Variants in CYP39A1 observed in about 807,000 individuals in gnomAD.
The protein encoded by CYP39A1 is 24-hydroxycholesterol 7-alpha-hydroxylase.
Under a neutral mutation model 58.1 loss-of-function variants are expected in CYP39A1, and 49 were observed. That is an observed-to-expected ratio of 0.84 (90% CI 0.67 to 1.07). The LOEUF (loss-of-function observed/expected upper bound fraction) is 1.07, where lower values mean the gene tolerates loss of function less well. Among genes scored for constraint, CYP39A1 ranks in the 50% least tolerant of loss-of-function variants. The pLI, the probability that CYP39A1 is intolerant of heterozygous loss-of-function variation, is 0.00. For synonymous variants in CYP39A1, 209 were observed against 187.6 expected (o/e 1.11, Z -0.93); for missense variants, 531 against 539.4 (o/e 0.98, Z 0.16).
chr6:46,613,027 C>T (rs984868958), intron 7 of CYP39A1, among the ~76,000 whole-genome samples: 2 of 152,144 alleles, frequency 1.3e-5, no homozygotes, highest in Non-Finnish European at 2.9e-5. Flanking sequence ...TAAACAATGA[C>T]AATATATAAG....
chr6:46,558,204 T>C (rs1770760627), intron 10 of CYP39A1, among the ~76,000 whole-genome samples: 2 of 152,108 alleles, frequency 1.3e-5, no homozygotes, highest in Admixed American at 6.6e-5. Context: ...ACTGTTTGTA[T>C]TCATCTGTTC....
At chr6:46,607,167 C>T (rs922361036) in intron 7 of CYP39A1, among the ~76,000 whole-genome samples, 1 of 152,112 alleles carries the variant, frequency 6.6e-6, no homozygotes, top group African/African-American at 2.4e-5. Flanking sequence ...CACACGGCCA[C>T]TGCCTTAAAG....
intron 5 of CYP39A1, among the ~76,000 whole-genome samples, chr6:46,633,731 C>CCTGT (rs1775792943): frequency 2.6e-5 from 4 of 152,004 alleles, no homozygotes; most frequent in Admixed American, 2.6e-4. Flanking sequence ...GTGGCATGTG[C>CCTGT]CTGTAGTCCC....
In CYP39A1 at chr6:46,604,120, T is replaced by C. The variant is rs550240637; in HGVS notation, c.932-8000A>G. 1.4e-4 allele frequency among the ~76,000 whole-genome samples: 22 copies of C among 152,314 alleles called. 3 individuals carry two copies. The South Asian group carries it at 4.6e-3, about 32-fold the overall frequency. On this transcript the variant is annotated intron_variant, in intron 7 of 11. Coordinates refer to ENST00000275016, the MANE Select transcript of CYP39A1 (RefSeq NM_016593.5). The stretch of plus-strand genomic sequence containing the variant: ...ATATTTTATAAGGAAAATGTCTTTG[T>C]TTAGAATACATTATAATCATCTTCG...
rs1482971278 is a variant in CYP39A1, at chr6:46,596,062, C to A, written c.990G>T (p.Trp330Cys). The A allele has an allele frequency of 6.2e-7, 1 of 1,611,360 alleles. No homozygotes were observed. The highest frequency in any genetic ancestry group is 8.5e-7 in the Non-Finnish European group (1 of 1,178,344). ...TTAAACGAATGGTTTCCAAAACACA[C>A]CATTTAATTAGAAGGAGATTCTCCA... is the stretch of plus-strand genomic sequence containing the variant. ...DDLENLLLIK[W>C]CVLETIRLKA... Residue 330 changes from tryptophan (W) to cysteine (C), a missense_variant, in exon 8 of 12, where the codon TGG (tryptophan) becomes TGT (cysteine). By Grantham distance (215) the Trp-to-Cys change is radical. Coordinates refer to ENST00000275016, the MANE Select transcript of CYP39A1 (RefSeq NM_016593.5).
chr6:46,599,372 A>T (rs544086873), intron 7 of CYP39A1, among the ~76,000 whole-genome samples: 1 of 152,304 alleles, frequency 6.6e-6, no homozygotes, highest in South Asian at 2.1e-4. Flanking sequence ...AAAAAATCAG[A>T]TACACAAAAA....
At chr6:46,582,548 T>C (rs1476882977) in intron 10 of CYP39A1, among the ~76,000 whole-genome samples, 2 of 152,144 alleles carry the variant, frequency 1.3e-5, no homozygotes, top group Non-Finnish European at 1.5e-5. Context: ...AAGCTGACCT[T>C]TCTTTTATGT....
In CYP39A1 at chr6:46,639,558, C is replaced by A; in HGVS notation, c.424G>T (p.Glu142Ter). 1 of 1,614,102 alleles carries A rather than the reference C, an allele frequency of 6.2e-7. No individual in the cohort carries two copies. The highest frequency in any genetic ancestry group is 1.1e-5 in the South Asian group (1 of 91,084). ...AAATTCTCCAGTTGTTCATGTAATT[C>A]TTCAGTCAGTTGCCCAGTAAACTGA... is the stretch of plus-strand genomic sequence containing the variant. ...LHQFTGQLTE[E>*]LHEQLENLGT... The change falls in exon 3 of 12, where the codon GAA becomes TAA. Residue 142 changes from glutamate (E) to a stop codon, truncating the protein, a stop_gained. Transcript: ENST00000275016. LOFTEE classifies it high-confidence loss of function.
intron 7 of CYP39A1, among the ~76,000 whole-genome samples, chr6:46,605,681 T>G (rs1232428493): frequency 6.6e-6 from 1 of 152,080 alleles, no homozygotes; most frequent in Non-Finnish European, 1.5e-5. Flanking sequence ...CATTTCTCCC[T>G]CCAAAGATAA....
chr6:46,639,380 A>T, intron 3 of CYP39A1, 114 bp downstream of exon 3: 2 of 977,664 alleles, frequency 2.0e-6, no homozygotes, highest in Non-Finnish European at 3.1e-6. Flanking sequence ...TTAATAGCCT[A>T]GTTAGGTAGA....
At chr6:46,573,188 T>C (rs754668726) in intron 10 of CYP39A1, among the ~76,000 whole-genome samples, 1 of 152,146 alleles carries the variant, frequency 6.6e-6, no homozygotes, top group Non-Finnish European at 1.5e-5. Context: ...AAAATTATAG[T>C]GGTCCTTTGG....
rs2150567550 is a variant in CYP39A1, at chr6:46,622,088, T to C, written c.931+3330A>G. ...GCCAGACACAAAGGACCACATATCA[T>C]ATGTTTCCATTTATATGGACTGTCC... On this transcript the variant is annotated intron_variant, in intron 7 of 11. Coordinates refer to ENST00000275016, the MANE Select transcript of CYP39A1 (RefSeq NM_016593.5). Among the ~76,000 whole-genome samples, 2 of 152,182 alleles carry C rather than the reference T, an allele frequency of 1.3e-5. 1 individual carries two copies. Among genetic ancestry groups the C allele is most frequent in the South Asian group, 4.1e-4 (2 of 4,826 alleles).
chr6:46,550,322 C>G lies in CYP39A1; in HGVS notation c.*44G>C, dbSNP rs375373758. 1 of 1,546,256 alleles carries G rather than the reference C, an allele frequency of 6.5e-7. No homozygotes were observed. The highest frequency in any genetic ancestry group is 8.9e-7 in the Non-Finnish European group (1 of 1,125,688). On this transcript the variant is annotated 3_prime_UTR_variant, in exon 12 of 12. Coordinates refer to ENST00000275016, the MANE Select transcript of CYP39A1 (RefSeq NM_016593.5). The stretch of plus-strand genomic sequence containing the variant: ...CTAGGTGCTGCCAGGTGGGGTAGTG[C>G]CACTCCTCCAGAAGGCCCTGGTCCT...
At chr6:46,573,814 A>G (rs1771717167) in intron 10 of CYP39A1, among the ~76,000 whole-genome samples, 1 of 152,212 alleles carries the variant, frequency 6.6e-6, no homozygotes, top group Non-Finnish European at 1.5e-5. Flanking sequence ...TGATATAACC[A>G]AAGTAAATGA....
At position 46,557,933 on chromosome 6, in the gene CYP39A1, C is replaced by CAAA. The variant is rs1186594398; in HGVS notation, c.1251-4082_1251-4080dup. ...CCTGGGAGACAGCAAGACTCCATCT[C>CAAA]AAAAAAAAAAAAAAAAAAAAAGAAA... On this transcript the variant is annotated intron_variant, in intron 10 of 11. Transcript: ENST00000275016. 3.3e-3 allele frequency among the ~76,000 whole-genome samples: 123 copies of CAAA among 37,524 alleles called. 4 individuals carry two copies. Among genetic ancestry groups the CAAA allele is most frequent in the African/African-American group, 7.2e-3 (73 of 10,090 alleles). The allele number at this position is 37,524 out of a possible 152,430, so 24.6% of individuals were successfully genotyped here.
chr6:46,623,171 T>G (rs528522250), intron 7 of CYP39A1, among the ~76,000 whole-genome samples: 33 of 149,274 alleles, frequency 2.2e-4, no homozygotes, highest in Non-Finnish European at 4.0e-4. Context: ...AATTTGTACA[T>G]GTAACTTGAC....
At chr6:46,598,219 T>C (rs1773286009) in intron 7 of CYP39A1, among the ~76,000 whole-genome samples, 1 of 152,154 alleles carries the variant, frequency 6.6e-6, no homozygotes, top group African/African-American at 2.4e-5. Context: ...AAACAGTTAT[T>C]TACACTGTTA....
At chr6:46,634,397 C>T (rs1042494455) in intron 5 of CYP39A1, among the ~76,000 whole-genome samples, 3 of 152,012 alleles carry the variant, frequency 2.0e-5, no homozygotes, top group East Asian at 1.9e-4. Context: ...AACATGAAAA[C>T]GGACTAATAC....
At chr6:46,651,459 T>G (rs1762683384) in intron 1 of CYP39A1, among the ~76,000 whole-genome samples, 1 of 152,242 alleles carries the variant, frequency 6.6e-6, no homozygotes, top group South Asian at 2.1e-4. Flanking sequence ...TCCATTGTTG[T>G]TCATTAAATA....
Sources: gnomAD v4.1 joint callset for allele counts (sites outside exome capture counted in the v4.1 genomes callset) on GRCh38, gnomAD v4.1.1 for gene constraint, MANE v1.5 for transcripts, NCBI Gene and HGNC (gene_info 2026-07-23, HGNC 2026-07-21) for gene names.